AFG2A: variants seen among roughly 807,000 people sequenced by gnomAD.
AFG2A encodes ATPase family gene 2 protein homolog A.
At chr4:123,047,807 A>G in the AFG2A span, among the ~76,000 whole-genome samples, 3 of 152,104 alleles carry the variant, frequency 2.0e-5, no homozygotes, top group South Asian at 2.1e-4. Flanking sequence ...GGTTCAAGCA[A>G]TCTTCCTTTC....
At chr4:122,947,002 G>A in the AFG2A span, among the ~76,000 whole-genome samples, 1 of 152,024 alleles carries the variant, frequency 6.6e-6, no homozygotes, top group Non-Finnish European at 1.5e-5. Context: ...ACTTTCTACA[G>A]GAGGAAGCAT....
chr4:123,005,489 A>C, the AFG2A span, among the ~76,000 whole-genome samples: 42 of 151,842 alleles, frequency 2.8e-4, no homozygotes, highest in African/African-American at 9.9e-4. Flanking sequence ...TATTTTATTT[A>C]TTTCTACTCT....
At chr4:123,235,103 TA>T in the AFG2A span, among the ~76,000 whole-genome samples, 1 of 152,144 alleles carries the variant, frequency 6.6e-6, no homozygotes, top group Non-Finnish European at 1.5e-5. Context: ...AATACTGTAA[TA>T]GATGAATAAG....
chr4:123,211,620 T>C, the AFG2A span, among the ~76,000 whole-genome samples: 8 of 152,166 alleles, frequency 5.3e-5, no homozygotes. Context: ...GTTACATTGT[T>C]TACAATTTGG....
the AFG2A span, among the ~76,000 whole-genome samples, chr4:123,237,337 T>A: frequency 6.6e-6 from 1 of 152,116 alleles, no homozygotes; most frequent in Non-Finnish European, 1.5e-5. Flanking sequence ...GTTCTAAACC[T>A]GAGATGTTTC....
At chr4:123,279,373 G>A in the AFG2A span, among the ~76,000 whole-genome samples, 5 of 151,502 alleles carry the variant, frequency 3.3e-5, no homozygotes, top group South Asian at 2.1e-4. Flanking sequence ...TCATGCCACG[G>A]CACTCCAGCC....
At chr4:123,007,533 T>G in the AFG2A span, among the ~76,000 whole-genome samples, 1 of 139,044 alleles carries the variant, frequency 7.2e-6, no homozygotes, top group African/African-American at 2.6e-5. Flanking sequence ...CATGCCTATA[T>G]ATATATATGT....
At chr4:123,251,548 A>G in the AFG2A span, among the ~76,000 whole-genome samples, 2 of 152,154 alleles carry the variant, frequency 1.3e-5, no homozygotes, top group African/African-American at 2.4e-5. Flanking sequence ...GGATATAATA[A>G]TATCTAATTC....
the AFG2A span, among the ~76,000 whole-genome samples, chr4:123,306,364 T>C: frequency 2.6e-5 from 4 of 152,178 alleles, no homozygotes; most frequent in African/African-American, 4.8e-5. Flanking sequence ...ATTTGTGACA[T>C]GTTGGCACCA....
chr4:122,985,732 GTTTCA>G, the AFG2A span, among the ~76,000 whole-genome samples: 1 of 142,716 alleles, frequency 7.0e-6, no homozygotes, highest in Non-Finnish European at 1.5e-5. Context: ...TCAGCTTTTT[GTTTCA>G]TTTATCTTTT....
At chr4:123,139,656 T>C in the AFG2A span, among the ~76,000 whole-genome samples, 1 of 152,062 alleles carries the variant, frequency 6.6e-6, no homozygotes, top group African/African-American at 2.4e-5. Context: ...AAGCAATACC[T>C]GGATTAATGA....
At chr4:122,993,904 T>C in the AFG2A span, among the ~76,000 whole-genome samples, 1 of 152,076 alleles carries the variant, frequency 6.6e-6, no homozygotes, top group African/African-American at 2.4e-5. Flanking sequence ...GCCATTACTT[T>C]TAATGGATTT....
At chr4:123,062,453 A>AT in the AFG2A span, among the ~76,000 whole-genome samples, 13 of 151,988 alleles carry the variant, frequency 8.6e-5, no homozygotes, top group East Asian at 3.9e-4. Context: ...TAAAACTATC[A>AT]TTTTTTTCTG....
At chr4:122,979,310 C>A in the AFG2A span, 13 of 1,614,198 alleles carry the variant, frequency 8.1e-6, no homozygotes, top group South Asian at 3.3e-5. Flanking sequence ...GTGAAGATTA[C>A]TCTGAAGGAT....
the AFG2A span, among the ~76,000 whole-genome samples, chr4:123,247,987 G>A: frequency 2.6e-5 from 4 of 151,992 alleles, no homozygotes; most frequent in Admixed American, 6.6e-5. Flanking sequence ...AGTTGTTTGC[G>A]TGTTGATCTT....
At chr4:123,217,872 A>G in the AFG2A span, among the ~76,000 whole-genome samples, 44 of 152,268 alleles carry the variant, frequency 2.9e-4, no homozygotes, top group African/African-American at 1.0e-3. Context: ...TTATTCACTG[A>G]GAAGGAAATG....
the AFG2A span, among the ~76,000 whole-genome samples, chr4:123,186,609 GGAATGTCTTATT>G: frequency 6.6e-6 from 1 of 151,998 alleles, no homozygotes; most frequent in Non-Finnish European, 1.5e-5. Context: ...AAATGTAGTT[GGAATGTCTTATT>G]GAATGTCTTC....
At chr4:123,135,109 C>A in the AFG2A span, among the ~76,000 whole-genome samples, 4 of 152,040 alleles carry the variant, frequency 2.6e-5, no homozygotes, top group African/African-American at 9.7e-5. Context: ...TCAACATAAG[C>A]AAATCAATAA....
the AFG2A span, among the ~76,000 whole-genome samples, chr4:123,213,642 T>C: frequency 5.9e-5 from 9 of 152,180 alleles, no homozygotes; most frequent in Non-Finnish European, 8.8e-5. Flanking sequence ...AAACATTTTG[T>C]ACTCTAATTT....
Sources: allele counts gnomAD v4.1 joint callset (sites outside exome capture counted in the v4.1 genomes callset), GRCh38; gene constraint gnomAD v4.1.1; transcripts MANE v1.5; gene names NCBI Gene and HGNC (gene_info 2026-07-23, HGNC 2026-07-21).